Variants in SERGEF observed in about 807,000 individuals in gnomAD.
The protein encoded by SERGEF is secretion regulating guanine nucleotide exchange factor.
SERGEF carries 51 observed loss-of-function variants against 50.0 expected under a neutral mutation model. That is an observed-to-expected ratio of 1.02 (90% CI 0.81 to 1.29). The LOEUF is 1.29. Among genes scored for constraint, SERGEF ranks in the 50% most tolerant of loss-of-function variants. SERGEF has a pLI of 0.00. For synonymous variants in SERGEF, 205 were observed against 212.4 expected (o/e 0.97, Z 0.30); for missense variants, 521 against 557.0 (o/e 0.94, Z 0.65).
chr11:17,827,992 A>G (rs1050140934), intron 10 of SERGEF, among the ~76,000 whole-genome samples: 2 of 152,234 alleles, frequency 1.3e-5, no homozygotes, highest in Non-Finnish European at 1.5e-5. Flanking sequence ...AAGGCCTGTG[A>G]TGCAGCAAGA....
chr11:17,908,511 C>T (rs944600576), intron 9 of SERGEF, among the ~76,000 whole-genome samples: 8 of 152,130 alleles, frequency 5.3e-5, no homozygotes, highest in African/African-American at 1.9e-4. Context: ...CATATCCCTC[C>T]TCTTATGCTC....
Position 17,830,651 on chromosome 11 carries a change from A to G in SERGEF, c.1049-42238T>C, listed in dbSNP as rs1180211681. 1.1e-4 allele frequency among the ~76,000 whole-genome samples: 10 copies of G among 93,190 alleles called. 1 individual carries two copies. The highest frequency in any genetic ancestry group is 3.4e-4 in the Admixed American group (3 of 8,954). 61.1% of individuals were successfully genotyped at this position (93,190 alleles called of 152,430 possible). On this transcript the variant is annotated intron_variant, in intron 10 of 10. Coordinates refer to ENST00000265965, the MANE Select transcript of SERGEF (RefSeq NM_012139.4). ...GGGAAAGGGGGAGGGAGAGGGAGGGAGAGAGAGAGAGAGAGAGAGAGAGAG... is the reference window on the plus strand; with the variant it reads ...GGGAAAGGGGGAGGGAGAGGGAGGGGGAGAGAGAGAGAGAGAGAGAGAGAG...
At chr11:17,870,320 G>A (rs767873594) in intron 10 of SERGEF, among the ~76,000 whole-genome samples, 22 of 152,218 alleles carry the variant, frequency 1.4e-4, no homozygotes, top group Non-Finnish European at 2.8e-4. Flanking sequence ...TCCAGGCAGG[G>A]ATGATGTAAT....
In SERGEF at chr11:17,988,722, T is replaced by C. The variant is rs536001082; in HGVS notation, c.719A>G (p.Lys240Arg). The C allele has an allele frequency of 6.2e-7, 1 of 1,614,108 alleles. No individual in the cohort carries two copies. The highest frequency in any genetic ancestry group is 1.3e-5 in the African/African-American group (1 of 75,050). The stretch of plus-strand genomic sequence containing the variant: ...AGCCTCATTAGCCAGTTGCCCATGC[T>C]TGTTGCTTCCCCAAACATACACCTC... The part of the protein sequence containing the change: ...AGEVYVWGSN[K>R]HGQLANEAAF... The change falls in exon 8 of 11, where the codon AAG becomes AGG. Residue 240 changes from lysine (K) to arginine (R), a missense_variant. Lys to Arg is a conservative substitution (Grantham distance 26). Transcript: ENST00000265965.
chr11:17,970,976 C>T (rs1177944218), intron 8 of SERGEF, among the ~76,000 whole-genome samples: 2 of 152,050 alleles, frequency 1.3e-5, no homozygotes, highest in Non-Finnish European at 2.9e-5. Flanking sequence ...GGGCGGATCA[C>T]GAGGTCAGGA....
At chr11:17,819,906 A>G (rs777071328) in intron 10 of SERGEF, among the ~76,000 whole-genome samples, 87 of 152,278 alleles carry the variant, frequency 5.7e-4, no homozygotes, top group Non-Finnish European at 9.4e-4. Context: ...TGGCACTATC[A>G]AAGCTCAATG....
At chr11:17,988,797 T>G in intron 7 of SERGEF, 42 bp from the exon 8 acceptor site, 1 of 1,567,840 alleles carries the variant, frequency 6.4e-7, no homozygotes, top group Non-Finnish European at 8.7e-7. Flanking sequence ...GAGGGAACAT[T>G]AGTCCAAAAT....
intron 10 of SERGEF, among the ~76,000 whole-genome samples, chr11:17,802,650 C>G (rs1053292950): frequency 5.3e-5 from 8 of 152,170 alleles, no homozygotes; most frequent in Non-Finnish European, 8.8e-5. Context: ...TCTCCTTGCT[C>G]TTCCTCCAAC....
intron 8 of SERGEF, among the ~76,000 whole-genome samples, chr11:17,976,022 G>T (rs1026091232): frequency 6.6e-5 from 10 of 152,170 alleles, no homozygotes; most frequent in Non-Finnish European, 1.3e-4. Context: ...CCCCTGTGAA[G>T]CAGACAAATT....
intron 9 of SERGEF, among the ~76,000 whole-genome samples, chr11:17,952,548 T>C (rs901250278): frequency 7.2e-5 from 11 of 152,168 alleles, no homozygotes; most frequent in African/African-American, 2.4e-4. Context: ...TCACTCAGTT[T>C]TCTTCCTCTC....
intron 10 of SERGEF, among the ~76,000 whole-genome samples, chr11:17,833,191 C>T (rs1414395078): frequency 1.3e-5 from 2 of 152,278 alleles, no homozygotes; most frequent in East Asian, 1.9e-4. Flanking sequence ...GTGCTGTGTG[C>T]AGCCTAGGGA....
At chr11:17,845,493 G>C (rs1362095107) in intron 10 of SERGEF, among the ~76,000 whole-genome samples, 1 of 152,150 alleles carries the variant, frequency 6.6e-6, no homozygotes, top group Non-Finnish European at 1.5e-5. Flanking sequence ...CTCAAGACTT[G>C]GGCTCAGCTG....
At chr11:17,880,095 G>A (rs2133900063) in intron 9 of SERGEF, among the ~76,000 whole-genome samples, 1 of 152,342 alleles carries the variant, frequency 6.6e-6, no homozygotes, top group South Asian at 2.1e-4. Flanking sequence ...TTTTTCCTGT[G>A]TAGAAGCTGT....
chr11:17,986,757 T>C (rs1272549154), intron 8 of SERGEF, among the ~76,000 whole-genome samples: 1 of 152,250 alleles, frequency 6.6e-6, no homozygotes, highest in Non-Finnish European at 1.5e-5. Flanking sequence ...GAAGACTGAC[T>C]AACCATGAAA....
chr11:17,937,419 C>T (rs1852474209), intron 9 of SERGEF, among the ~76,000 whole-genome samples: 1 of 152,018 alleles, frequency 6.6e-6, no homozygotes, highest in Admixed American at 6.6e-5. Context: ...TGCCTATAGT[C>T]CCAGCTACTT....
At chr11:17,901,926 T>C (rs1851755102) in intron 9 of SERGEF, among the ~76,000 whole-genome samples, 1 of 152,310 alleles carries the variant, frequency 6.6e-6, no homozygotes, top group South Asian at 2.1e-4. Context: ...AGTTTCCATA[T>C]CTGTAACGTG....
intron 9 of SERGEF, among the ~76,000 whole-genome samples, chr11:17,907,717 A>T (rs1276072722): frequency 6.6e-6 from 1 of 152,226 alleles, no homozygotes; most frequent in African/African-American, 2.4e-5. Flanking sequence ...AATTGAAAAA[A>T]TAACCTGGAC....
At chr11:17,900,927 C>T (rs137892807) in intron 9 of SERGEF, among the ~76,000 whole-genome samples, 3 of 152,316 alleles carry the variant, frequency 2.0e-5, no homozygotes, top group Non-Finnish European at 2.9e-5. Context: ...GGAATGGTGG[C>T]AGTCGTGGTG....
intron 9 of SERGEF, among the ~76,000 whole-genome samples, chr11:17,942,940 A>G (rs2133957506): frequency 6.6e-6 from 1 of 152,252 alleles, no homozygotes; most frequent in East Asian, 1.9e-4. Context: ...CATTCCTGAG[A>G]TAACATAGTT....
Sources: gnomAD v4.1 joint callset for allele counts (sites outside exome capture counted in the v4.1 genomes callset) on GRCh38, gnomAD v4.1.1 for gene constraint, MANE v1.5 for transcripts, NCBI Gene and HGNC (gene_info 2026-07-23, HGNC 2026-07-21) for gene names.